Variants in AGO3 observed in about 807,000 individuals in gnomAD.
The protein encoded by AGO3 is protein argonaute-3.
AGO3 carries 16 observed loss-of-function variants against 105.5 expected under a neutral mutation model. The ratio of observed to expected loss-of-function variants is 0.15; its 90% CI spans 0.10 to 0.23. The LOEUF (loss-of-function observed/expected upper bound fraction) is 0.23. Ranked by LOEUF, AGO3 falls within the 10% of genes least tolerant of loss-of-function variation. The probability of loss-of-function intolerance (pLI) is 1.00; values close to 1 mark genes in which losing one functional copy is unlikely to be tolerated. For synonymous variants in AGO3, 340 were observed against 367.3 expected (o/e 0.93, Z 0.85); for missense variants, 534 against 1,088.0 (o/e 0.49, Z 7.16).
chr1:36,013,806 G>A, intron 10 of AGO3, 54 bp downstream of exon 10: 3 of 1,603,250 alleles, frequency 1.9e-6, no homozygotes, highest in Non-Finnish European at 2.6e-6. Flanking sequence ...TAAGTATGAA[G>A]AGAAAGGCAT....
At chr1:36,000,860 T>G (rs982007360) in intron 5 of AGO3, among the ~76,000 whole-genome samples, 5 of 152,108 alleles carry the variant, frequency 3.3e-5, no homozygotes, top group African/African-American at 1.2e-4. Flanking sequence ...TTTTTTTAAT[T>G]AGTTAGAAAC....
intron 14 of AGO3, among the ~76,000 whole-genome samples, chr1:36,037,714 AT>A (rs1352556513): frequency 1.3e-5 from 2 of 152,124 alleles, no homozygotes; most frequent in Non-Finnish European, 2.9e-5. Context: ...TTGCTTTTGT[AT>A]TTTTAATGTT....
intron 11 of AGO3, among the ~76,000 whole-genome samples, chr1:36,020,239 A>T (rs542856926): frequency 6.6e-6 from 1 of 152,170 alleles, no homozygotes; most frequent in Non-Finnish European, 1.5e-5. Context: ...TCTTTCTCCA[A>T]TGGAGGTGCA....
intron 1 of AGO3, among the ~76,000 whole-genome samples, chr1:35,933,336 A>C (rs895255365): frequency 1.3e-5 from 2 of 152,206 alleles, no homozygotes; most frequent in Non-Finnish European, 2.9e-5. Context: ...ATAGCTGTGC[A>C]ACTAAATTTT....
rs1461817200 is a variant in AGO3 at position 36,002,836 on chromosome 1, G to A, written c.659-1505G>A. ...CCTGACCTCGTGATCCTCCCGCCTC[G>A]GCCTCCCAAAGTGCTGGGATTACAG... On this transcript the variant is annotated intron_variant, in intron 5 of 18. Coordinates refer to ENST00000373191, the MANE Select transcript of AGO3 (RefSeq NM_024852.4). Among the ~76,000 whole-genome samples, 6 of 152,026 alleles carry A rather than the reference G, an allele frequency of 3.9e-5. 1 individual carries two copies. Among genetic ancestry groups the A allele is most frequent in the East Asian group, 3.9e-4 (2 of 5,164 alleles).
chr1:35,973,943 T>C (rs1646912382), intron 5 of AGO3, among the ~76,000 whole-genome samples: 1 of 152,224 alleles, frequency 6.6e-6, no homozygotes, highest in Non-Finnish European at 1.5e-5. Context: ...ACAAAATATT[T>C]TCAAGCTTAT....
At chr1:35,956,637 GTT>G (rs1038922061) in intron 2 of AGO3, among the ~76,000 whole-genome samples, 2 of 137,658 alleles carry the variant, frequency 1.5e-5, no homozygotes, top group African/African-American at 2.6e-5. Context: ...TTCTTTTTTT[GTT>G]TTTTTTTTTT....
chr1:35,958,486 C>G (rs1369765766), intron 2 of AGO3, among the ~76,000 whole-genome samples: 1 of 152,028 alleles, frequency 6.6e-6, no homozygotes, highest in African/African-American at 2.4e-5. Flanking sequence ...CATGATGAAA[C>G]TCTGTCTCTA....
intron 1 of AGO3, among the ~76,000 whole-genome samples, chr1:35,941,227 C>T (rs776320803): frequency 3.9e-5 from 6 of 152,134 alleles, no homozygotes; most frequent in Non-Finnish European, 8.8e-5. Context: ...GTCCATTTAA[C>T]AATTCCTGTC....
At position 36,006,411 on chromosome 1, in the gene AGO3, C is replaced by CATAT. The variant is rs142357827; in HGVS notation, c.793+1945_793+1948dup. On this transcript the variant is annotated intron_variant, in intron 6 of 18. Coordinates refer to ENST00000373191, the MANE Select transcript of AGO3 (RefSeq NM_024852.4). Reference sequence around the variant, plus strand: ...AAATACTGGGAAAATGTATAAGTACCATATATATATATCTATATATGTGCC... The same window carrying CATAT: ...AAATACTGGGAAAATGTATAAGTACCATATATATATATATATCTATATATGTGCC... Among the ~76,000 whole-genome samples, 19 of 151,622 alleles carry CATAT rather than the reference C, an allele frequency of 1.3e-4. No homozygotes were observed. The East Asian group carries it at 1.5e-3, about 12-fold the overall frequency.
chr1:36,037,698 A>G (rs1459330037), intron 14 of AGO3, among the ~76,000 whole-genome samples: 1 of 151,982 alleles, frequency 6.6e-6, no homozygotes, highest in Non-Finnish European at 1.5e-5. Context: ...TTATCTATTA[A>G]TTCTCTTGCT....
chr1:35,985,951 C>G (rs1486746387), intron 5 of AGO3, among the ~76,000 whole-genome samples: 2 of 152,178 alleles, frequency 1.3e-5, no homozygotes, highest in African/African-American at 4.8e-5. Context: ...GATTCTCATT[C>G]ATTAATAATC....
chr1:35,946,789 A>C (rs966361724), intron 2 of AGO3, among the ~76,000 whole-genome samples: 11 of 152,234 alleles, frequency 7.2e-5, no homozygotes, highest in Non-Finnish European at 1.0e-4. Context: ...AAAAACAACA[A>C]CACCTCTAAG....
intron 5 of AGO3, among the ~76,000 whole-genome samples, chr1:35,981,201 G>A (rs1196605556): frequency 6.6e-6 from 1 of 152,160 alleles, no homozygotes; most frequent in East Asian, 1.9e-4. Flanking sequence ...TGTCAGAAAT[G>A]TCGCGGTGCC....
intron 16 of AGO3, among the ~76,000 whole-genome samples, chr1:36,041,936 A>G (rs530297393): frequency 1.3e-5 from 2 of 152,334 alleles, no homozygotes; most frequent in African/African-American, 2.4e-5. Flanking sequence ...GAGAACAAAA[A>G]AAAATTAATA....
chr1:35,970,918 G>A (rs1646856220), intron 3 of AGO3, among the ~76,000 whole-genome samples: 1 of 150,878 alleles, frequency 6.6e-6, no homozygotes, highest in Admixed American at 6.6e-5. Context: ...GTAGAGACTA[G>A]GTCTTGCTCT....
At chr1:35,947,259 T>C (rs1646383847) in intron 2 of AGO3, among the ~76,000 whole-genome samples, 1 of 152,100 alleles carries the variant, frequency 6.6e-6, no homozygotes, top group Non-Finnish European at 1.5e-5. Context: ...GGTTTTTTTT[T>C]TAACATGTTA....
At chr1:35,999,341 TA>T (rs1388257044) in intron 5 of AGO3, among the ~76,000 whole-genome samples, 1 of 151,418 alleles carries the variant, frequency 6.6e-6, no homozygotes, top group East Asian at 1.9e-4. Context: ...AGACTCCATC[TA>T]AAAAAAAATA....
At chr1:36,044,410 G>A (rs1248937549) in intron 17 of AGO3, among the ~76,000 whole-genome samples, 1 of 151,148 alleles carries the variant, frequency 6.6e-6, no homozygotes, top group African/African-American at 2.4e-5. Context: ...TGTTGTTGTT[G>A]TTTTGTTTTG....
Sources: allele counts gnomAD v4.1 joint callset (sites outside exome capture counted in the v4.1 genomes callset), GRCh38; gene constraint gnomAD v4.1.1; transcripts MANE v1.5; gene names NCBI Gene and HGNC (gene_info 2026-07-23, HGNC 2026-07-21).